LRRC49: variants seen among roughly 807,000 people sequenced by gnomAD.
LRRC49 encodes leucine-rich repeat-containing protein 49.
Under a neutral mutation model 83.3 loss-of-function variants are expected in LRRC49, and 50 were observed. The observed-to-expected ratio is 0.60, with a 90% CI of 0.48 to 0.76. The LOEUF (loss-of-function observed/expected upper bound fraction) is 0.76. Ranked by LOEUF, LRRC49 falls within the 30% of genes least tolerant of loss-of-function variation. The pLI is 0.00. For synonymous variants in LRRC49, 286 were observed against 283.3 expected, an observed-to-expected ratio of 1.01 and a Z score of -0.10; for missense variants, 704 against 809.1, an observed-to-expected ratio of 0.87 and a Z score of 1.58.
chr15:71,034,001 A>C (rs1304269659), intron 14 of LRRC49, among the ~76,000 whole-genome samples: 1 of 152,232 alleles, frequency 6.6e-6, no homozygotes, highest in African/African-American at 2.4e-5. Flanking sequence ...GAAAACATCA[A>C]AAGTAATTGC....
intron 1 of LRRC49, among the ~76,000 whole-genome samples, chr15:70,863,475 G>A (rs987895733): frequency 2.0e-5 from 3 of 152,224 alleles, no homozygotes; most frequent in African/African-American, 7.2e-5. Flanking sequence ...GACAAAAGCT[G>A]TGGGTCCCAG....
intron 11 of LRRC49, among the ~76,000 whole-genome samples, chr15:70,999,299 C>T (rs1048950669): frequency 4.0e-5 from 6 of 151,888 alleles, no homozygotes; most frequent in African/African-American, 1.5e-4. Context: ...TCATTCTTCC[C>T]CCCTAGGGTT....
rs757049481 is a variant in LRRC49, at chr15:70,904,598, C to T, written c.343C>T (p.Arg115Cys). 1.6e-5 allele frequency: 26 copies of T among 1,613,558 alleles called. No homozygotes were observed. The highest frequency in any genetic ancestry group is 7.7e-5 in the South Asian group (7 of 91,052). The change falls in exon 5 of 16, where the codon CGT becomes TGT. Residue 115 changes from arginine to cysteine, a missense_variant. Around this residue, in one of 3 missense-constraint regions of LRRC49, gnomAD observed 261 missense variants for 330.5 expected, o/e 0.79. Transcript: ENST00000260382. ...TATCATCAATGGGGAAGACCACCTT[C>T]GTTTGTTGAACTTTCAACACAATTT... ...CPIINGEDHL[R>C]LLNFQHNFIT...
At chr15:70,938,607 A>C (rs2035687891) in intron 8 of LRRC49, among the ~76,000 whole-genome samples, 2 of 152,180 alleles carry the variant, frequency 1.3e-5, no homozygotes, top group Non-Finnish European at 2.9e-5. Context: ...ATTTCTGTGA[A>C]CTTTACTCAA....
chr15:71,038,275 G>A (rs963045866), intron 15 of LRRC49, among the ~76,000 whole-genome samples: 2 of 152,142 alleles, frequency 1.3e-5, no homozygotes, highest in Non-Finnish European at 2.9e-5. Flanking sequence ...GTGGCAGGGC[G>A]AAGTGTGTAT....
chr15:70,864,336 G>C (rs2032864981), intron 1 of LRRC49, among the ~76,000 whole-genome samples: 1 of 152,044 alleles, frequency 6.6e-6, no homozygotes, highest in Non-Finnish European at 1.5e-5. Context: ...AGCCCAGACT[G>C]CACATTCTAA....
intron 2 of LRRC49, among the ~76,000 whole-genome samples, chr15:70,880,110 C>A (rs2033232531): frequency 6.6e-6 from 1 of 152,148 alleles, no homozygotes; most frequent in African/African-American, 2.4e-5. Context: ...ACTGCTGTTC[C>A]TATCACCTGG....
chr15:70,855,630 C>T (rs917224331), intron 1 of LRRC49, among the ~76,000 whole-genome samples: 20 of 152,116 alleles, frequency 1.3e-4, no homozygotes, highest in Non-Finnish European at 2.5e-4. Flanking sequence ...GGGGAGAGAC[C>T]CAGGGGCCCA....
At chr15:70,992,165 T>G (rs1294277935) in intron 11 of LRRC49, among the ~76,000 whole-genome samples, 1 of 152,200 alleles carries the variant, frequency 6.6e-6, no homozygotes, top group East Asian at 1.9e-4. Context: ...CTCCATCAGG[T>G]CATTTAAGGA....
chr15:70,984,848 C>T (rs2037542953), intron 11 of LRRC49, among the ~76,000 whole-genome samples: 2 of 146,648 alleles, frequency 1.4e-5, no homozygotes, highest in African/African-American at 2.5e-5. Context: ...TCTCATTGTT[C>T]AGTTCCCACC....
chr15:70,880,614 C>T lies in LRRC49; in HGVS notation c.18+7391C>T, dbSNP rs542412402. 5.3e-5 allele frequency among the ~76,000 whole-genome samples: 8 copies of T among 152,258 alleles called. No individual in the cohort carries two copies. In the East Asian group the frequency reaches 1.5e-3, roughly 29 times the overall value. ...GTCATTTAAAATAAAGCCAGTATTT[C>T]CTTTTACTGTGAAGGGCAGTGAAAC... On this transcript the variant is annotated intron_variant, in intron 2 of 16. Coordinates refer to the LRRC49 transcript ENST00000544974.
intron 7 of LRRC49, among the ~76,000 whole-genome samples, chr15:70,933,284 A>G (rs2035480531): frequency 6.6e-6 from 1 of 152,124 alleles, no homozygotes; most frequent in Admixed American, 6.5e-5. Flanking sequence ...AAAAATAATA[A>G]ATTTAAGATA....
intron 6 of LRRC49, 109 bp from the exon 7 acceptor site, chr15:70,918,941 A>G: frequency 2.5e-6 from 2 of 800,826 alleles, no homozygotes; most frequent in Non-Finnish European, 3.9e-6. Flanking sequence ...CTACATATAA[A>G]CTTGCCACTA....
chr15:70,967,308 C>T (rs1422697399), intron 9 of LRRC49, among the ~76,000 whole-genome samples: 1 of 151,790 alleles, frequency 6.6e-6, no homozygotes, highest in Admixed American at 6.6e-5. Flanking sequence ...TAGGAGAAAC[C>T]CTTGAAGAGT....
chr15:71,006,854 T>TTA (rs1282645330), intron 11 of LRRC49, among the ~76,000 whole-genome samples: 2 of 152,086 alleles, frequency 1.3e-5, no homozygotes, highest in Non-Finnish European at 2.9e-5. Flanking sequence ...CCAGTATTGA[T>TTA]TATATAAGCA....
Position 71,050,912 on chromosome 15 carries a change from T to A in LRRC49, c.*1300T>A, listed in dbSNP as rs2039986433. Reference sequence around the variant, plus strand: ...TGGAGTGCAGTGGCGCGATCTCGGCTCACTGCAAGCTCCGCTTCCCAGGTT... The same window carrying A: ...TGGAGTGCAGTGGCGCGATCTCGGCACACTGCAAGCTCCGCTTCCCAGGTT... On this transcript the variant is annotated 3_prime_UTR_variant, in exon 16 of 16. Transcript: ENST00000260382. The A allele has an allele frequency of 6.6e-6, 1 of 152,114 alleles. No homozygotes were observed. The highest frequency in any genetic ancestry group is 2.1e-4 in the South Asian group (1 of 4,832). 9.4% of individuals were successfully genotyped at this position (152,114 alleles called of 1,614,324 possible).
intron 1 of LRRC49, among the ~76,000 whole-genome samples, chr15:70,855,694 C>T (rs907162951): frequency 3.9e-5 from 6 of 152,242 alleles, no homozygotes; most frequent in South Asian, 4.2e-4. Context: ...CTTTCTTTGT[C>T]GGACCTCTGT....
chr15:71,031,390 G>A (rs561254220), intron 14 of LRRC49, among the ~76,000 whole-genome samples: 82 of 152,320 alleles, frequency 5.4e-4, no homozygotes, highest in African/African-American at 1.9e-3. Context: ...AGGGGCATTG[G>A]CCTGATGCCA....
chr15:70,974,492 A>G (rs192745275), intron 9 of LRRC49, among the ~76,000 whole-genome samples: 2 of 152,316 alleles, frequency 1.3e-5, no homozygotes, highest in Admixed American at 1.3e-4. Flanking sequence ...TCACATTTTT[A>G]TTAATGTCTA....
Sources: allele counts gnomAD v4.1 joint callset (sites outside exome capture counted in the v4.1 genomes callset), GRCh38; gene constraint gnomAD v4.1.1; regional missense constraint gnomAD v4.1.1; transcripts MANE v1.5; gene names NCBI Gene and HGNC (gene_info 2026-07-23, HGNC 2026-07-21).